Variants in STX8 observed in about 807,000 individuals in gnomAD.
STX8 encodes the protein syntaxin-8.
In STX8, 23 loss-of-function variants were observed where a neutral mutation model predicts 37.5. The ratio of observed to expected loss-of-function variants is 0.61; its 90% CI spans 0.44 to 0.87. The LOEUF is 0.87. Ranked by LOEUF, STX8 falls within the 40% of genes least tolerant of loss-of-function variation. The pLI, the probability that STX8 is intolerant of heterozygous loss-of-function variation, is 0.00. For missense variants in STX8, 313 were observed against 284.7 expected, an observed-to-expected ratio of 1.10 and a Z score of -0.71; for synonymous variants, 115 against 99.1, an observed-to-expected ratio of 1.16 and a Z score of -0.95.
rs899709753 is a variant in STX8 at position 9,543,326 on chromosome 17, C to A, written c.323+1846G>T. Among the ~76,000 whole-genome samples, 6 of 146,542 alleles carry A rather than the reference C, an allele frequency of 4.1e-5. No individual in the cohort carries two copies. The East Asian group carries it at 1.2e-3, about 29-fold the overall frequency. On this transcript the variant is annotated intron_variant, in intron 4 of 7. Coordinates refer to ENST00000306357, the MANE Select transcript of STX8 (RefSeq NM_004853.3). ...TTTTTTTTTTTGAGACGGAGTCTTG[C>A]TCTGTCGCCCAGGCTGGAGTGCAGT...
chr17:9,388,798 T>C (rs1912105778), intron 6 of STX8, among the ~76,000 whole-genome samples: 1 of 138,958 alleles, frequency 7.2e-6, no homozygotes, highest in Non-Finnish European at 1.5e-5. Flanking sequence ...AGCAAAACTC[T>C]GTCTCAAAAA....
chr17:9,552,504 G>C (rs139960119), intron 3 of STX8, among the ~76,000 whole-genome samples: 169 of 152,272 alleles, frequency 1.1e-3, no homozygotes, highest in Non-Finnish European at 1.4e-3. Flanking sequence ...GGGGTTACCT[G>C]TAAAATCTGT....
At chr17:9,483,453 C>T (rs1054597187) in intron 6 of STX8, among the ~76,000 whole-genome samples, 9 of 152,150 alleles carry the variant, frequency 5.9e-5, no homozygotes, top group Non-Finnish European at 5.9e-5. Context: ...TGCACATCTG[C>T]AAAGTCCCTT....
intron 2 of STX8, among the ~76,000 whole-genome samples, chr17:9,561,987 T>C (rs528382238): frequency 7.2e-5 from 11 of 151,890 alleles, no homozygotes; most frequent in Admixed American, 4.6e-4. Context: ...GTGTAAAAGA[T>C]GAAACCATAT....
intron 2 of STX8, among the ~76,000 whole-genome samples, chr17:9,568,150 A>G (rs1907533019): frequency 6.6e-6 from 1 of 152,234 alleles, no homozygotes; most frequent in African/African-American, 2.4e-5. Flanking sequence ...AATTGTTAGA[A>G]ATATTTAAAG....
At chr17:9,305,143 A>C (rs1908932331) in intron 7 of STX8, among the ~76,000 whole-genome samples, 1 of 151,918 alleles carries the variant, frequency 6.6e-6, no homozygotes, top group Non-Finnish European at 1.5e-5. Flanking sequence ...GCCAGGCTGG[A>C]GTGCAGTGGC....
At chr17:9,482,033 G>A (rs190068907) in intron 6 of STX8, among the ~76,000 whole-genome samples, 8 of 152,274 alleles carry the variant, frequency 5.3e-5, no homozygotes, top group African/African-American at 9.6e-5. Flanking sequence ...TAAGCCAGGC[G>A]TGGTGGGACA....
chr17:9,364,043 C>T (rs1372358396), intron 7 of STX8, among the ~76,000 whole-genome samples: 1 of 152,196 alleles, frequency 6.6e-6, no homozygotes, highest in Non-Finnish European at 1.5e-5. Flanking sequence ...GGCTTTTCCA[C>T]AGTAGGAACT....
In STX8 at chr17:9,339,070, C is replaced by CAAAAAAAAAAAA. The variant is rs34987749; in HGVS notation, c.643+39470_643+39481dup. Among the ~76,000 whole-genome samples the CAAAAAAAAAAAA allele has an allele frequency of 3.3e-3, 228 of 69,992 alleles. 3 individuals carry two copies. Among genetic ancestry groups the CAAAAAAAAAAAA allele is most frequent in the African/African-American group, 0.014 (216 of 15,486 alleles). The allele number at this position is 69,992 out of a possible 152,430, so 45.9% of individuals were successfully genotyped here. A position where few individuals can be genotyped will look rare whatever the true frequency, so the allele number is the denominator to read the frequency against. ...TGGTTGACAAAGCGAGACTCCGTCT[C>CAAAAAAAAAAAA]AAAAAAAAAAAAAAAAAAAAATTCC... On this transcript the variant is annotated intron_variant, in intron 7 of 7. Coordinates refer to ENST00000306357, the MANE Select transcript of STX8 (RefSeq NM_004853.3).
intron 7 of STX8, among the ~76,000 whole-genome samples, chr17:9,344,258 CTTTTT>C: frequency 6.8e-6 from 1 of 146,002 alleles, no homozygotes; most frequent in East Asian, 2.0e-4. Flanking sequence ...TGATACTAAA[CTTTTT>C]TTTTTTTTTT....
At chr17:9,388,077 T>TG (rs978073303) in intron 6 of STX8, among the ~76,000 whole-genome samples, 1 of 151,434 alleles carries the variant, frequency 6.6e-6, no homozygotes, top group Non-Finnish European at 1.5e-5. Context: ...TCTATTTTTT[T>TG]TTTTTTTTTT....
At chr17:9,546,684 G>A (rs1283950457) in intron 3 of STX8, among the ~76,000 whole-genome samples, 1 of 128,556 alleles carries the variant, frequency 7.8e-6, no homozygotes, top group Non-Finnish European at 1.6e-5. Flanking sequence ...TGCAACCTCC[G>A]CCACCCGGGT....
At chr17:9,278,311 G>A (rs938693564) in intron 7 of STX8, among the ~76,000 whole-genome samples, 3 of 152,192 alleles carry the variant, frequency 2.0e-5, no homozygotes, top group Non-Finnish European at 4.4e-5. Context: ...AGCCGGGCAC[G>A]GCAGCACATG....
intron 6 of STX8, among the ~76,000 whole-genome samples, chr17:9,429,563 C>A (rs1187476999): frequency 2.9e-5 from 4 of 138,364 alleles, no homozygotes; most frequent in Admixed American, 8.2e-5. Context: ...ATTAGCCGGG[C>A]GTGGTGGCGG....
intron 4 of STX8, among the ~76,000 whole-genome samples, chr17:9,535,450 T>TTTTTTTTTTTTTTTTA (rs1906000350): frequency 1.5e-5 from 2 of 133,306 alleles, no homozygotes; most frequent in Admixed American, 7.5e-5. Flanking sequence ...TTTTTTTTTT[T>TTTTTTTTTTTTTTTTA]GAGACGGAGT....
At chr17:9,285,536 C>T (rs921578589) in intron 7 of STX8, among the ~76,000 whole-genome samples, 63 of 152,146 alleles carry the variant, frequency 4.1e-4, no homozygotes, top group African/African-American at 1.4e-3. Flanking sequence ...TCTCTAAGGC[C>T]GGCCTCCAGA....
At chr17:9,309,757 A>G (rs892918459) in intron 7 of STX8, among the ~76,000 whole-genome samples, 4 of 152,210 alleles carry the variant, frequency 2.6e-5, no homozygotes, top group Non-Finnish European at 4.4e-5. Flanking sequence ...GACTTGTAAG[A>G]TTTTTAAATA....
At chr17:9,270,618 G>C (rs1017093814) in intron 7 of STX8, among the ~76,000 whole-genome samples, 43 of 152,228 alleles carry the variant, frequency 2.8e-4, no homozygotes, top group African/African-American at 9.9e-4. Context: ...AACAGTACTT[G>C]GCACATAGTA....
chr17:9,415,257 G>A (rs929269866), intron 6 of STX8, among the ~76,000 whole-genome samples: 1 of 152,052 alleles, frequency 6.6e-6, no homozygotes, highest in African/African-American at 2.4e-5. Context: ...ACATCAGCCT[G>A]GGGTCCTCTC....
Sources: gnomAD v4.1 joint callset for allele counts (sites outside exome capture counted in the v4.1 genomes callset) on GRCh38, gnomAD v4.1.1 for gene constraint, MANE v1.5 for transcripts, NCBI Gene and HGNC (gene_info 2026-07-23, HGNC 2026-07-21) for gene names.